The following ROBO2 variants were observed in gnomAD, a reference collection of about 807,000 sequenced individuals.
ROBO2 encodes the protein roundabout guidance receptor 2.
Under a neutral mutation model 160.8 loss-of-function variants are expected in ROBO2, and 53 were observed. That is an observed-to-expected ratio of 0.33 (90% CI 0.26 to 0.41). ROBO2 has a LOEUF of 0.41. Among genes scored for constraint, ROBO2 ranks in the 10% least tolerant of loss-of-function variants. The pLI is 1.00. For missense variants in ROBO2, 1,577 were observed against 1,722.4 expected, an observed-to-expected ratio of 0.92 and a Z score of 1.49; for synonymous variants, 664 against 611.7, an observed-to-expected ratio of 1.09 and a Z score of -1.26.
intron 2 of ROBO2, among the ~76,000 whole-genome samples, chr3:76,235,305 A>G (rs1200217956): frequency 1.3e-5 from 2 of 152,136 alleles, no homozygotes; most frequent in Non-Finnish European, 2.9e-5. Flanking sequence ...CACACAGGGA[A>G]GAAGGCCATG....
chr3:77,306,993 G>A (rs758431228), intron 2 of ROBO2, among the ~76,000 whole-genome samples: 2 of 152,102 alleles, frequency 1.3e-5, no homozygotes, highest in East Asian at 1.9e-4. Flanking sequence ...ATTTAATAAT[G>A]CATTCTTGCC....
chr3:77,535,009 C>T (rs2091999554), intron 6 of ROBO2, among the ~76,000 whole-genome samples: 2 of 152,078 alleles, frequency 1.3e-5, no homozygotes, highest in South Asian at 2.1e-4. Context: ...GGTAACAGGC[C>T]AATCACATAT....
At chr3:76,654,929 T>TATATATATA (rs5850279) in intron 2 of ROBO2, among the ~76,000 whole-genome samples, 3,974 of 141,174 alleles carry the variant, frequency 0.028, 85 homozygotes, top group East Asian at 0.054. Context: ...ATATATATAT[T>TATATATATA]TATATATATA....
rs966372790 is a variant in ROBO2, at chr3:76,570,304, T to C, written c.110-527710T>C. On this transcript the variant is annotated intron_variant, in intron 2 of 26. Transcript: ENST00000487694. ...GCCAGGTTTAGAACAATAAGGTTTA[T>C]GGTGACTTCACAAACTGTTAATGCA... Among the ~76,000 whole-genome samples, 9 of 152,322 alleles carry C rather than the reference T, an allele frequency of 5.9e-5. No individual in the cohort carries two copies. In the East Asian group the frequency reaches 1.5e-3, roughly 26 times the overall value.
chr3:76,898,629 A>G (rs1346188021), intron 2 of ROBO2, among the ~76,000 whole-genome samples: 4 of 152,132 alleles, frequency 2.6e-5, no homozygotes, highest in African/African-American at 4.8e-5. Context: ...GTTCAGACAA[A>G]AAATGGAGTC....
At chr3:76,685,728 A>G (rs1013867984) in intron 2 of ROBO2, among the ~76,000 whole-genome samples, 3 of 152,188 alleles carry the variant, frequency 2.0e-5, no homozygotes, top group African/African-American at 7.2e-5. Flanking sequence ...GAAGGTTCAT[A>G]CACAGTTGGA....
intron 1 of ROBO2, among the ~76,000 whole-genome samples, chr3:75,907,834 A>AT (rs911973765): frequency 2.2e-4 from 31 of 140,866 alleles, no homozygotes; most frequent in East Asian, 4.6e-4. Flanking sequence ...CATTTGCTTC[A>AT]TTTTTTTTAA....
chr3:77,173,713 A>G (rs114290970), intron 2 of ROBO2, among the ~76,000 whole-genome samples: 1,990 of 152,184 alleles, frequency 0.013, 65 homozygotes, highest in African/African-American at 0.045. Flanking sequence ...AAAATCAGTT[A>G]TTGTTACATA....
chr3:76,116,932 T>G (rs1422707506), intron 2 of ROBO2, among the ~76,000 whole-genome samples: 3 of 152,206 alleles, frequency 2.0e-5, no homozygotes, highest in Non-Finnish European at 1.5e-5. Context: ...CTAGTAGATT[T>G]CTTCTCTAAG....
chr3:75,999,031 T>G (rs2107551578), intron 2 of ROBO2, among the ~76,000 whole-genome samples: 1 of 152,278 alleles, frequency 6.6e-6, no homozygotes, highest in South Asian at 2.1e-4. Flanking sequence ...TCCTTGGAGG[T>G]GGTAGAGTGT....
chr3:76,223,038 C>T (rs748485755), intron 2 of ROBO2, among the ~76,000 whole-genome samples: 10 of 151,792 alleles, frequency 6.6e-5, no homozygotes, highest in East Asian at 5.9e-4. Flanking sequence ...TTCAGGCATG[C>T]GCCACCGCAC....
In ROBO2 at chr3:77,376,154, C is replaced by CTTTTTT. The variant is rs11425201; in HGVS notation, c.389-101245_389-101240dup. ...AACATTACAATAGGCATTTAACTTT[C>CTTTTTT]TTTTTTTTTTTTTTTTTTTTGACAG... On this transcript the variant is annotated intron_variant, in intron 2 of 25. Transcript: ENST00000461745. 1.3e-3 allele frequency among the ~76,000 whole-genome samples: 155 copies of CTTTTTT among 115,536 alleles called. 2 individuals are homozygous for CTTTTTT. The highest frequency in any genetic ancestry group is 3.8e-3 in the African/African-American group (111 of 29,566). The allele number at this position is 115,536 out of a possible 152,430, so 75.8% of individuals were successfully genotyped here.
intron 2 of ROBO2, among the ~76,000 whole-genome samples, chr3:76,988,109 T>C (rs1350979770): frequency 1.3e-5 from 2 of 152,222 alleles, no homozygotes; most frequent in Non-Finnish European, 2.9e-5. Flanking sequence ...ATATGAGCAT[T>C]ACACCATTGT....
chr3:76,852,843 T>C (rs1401786273), intron 2 of ROBO2, among the ~76,000 whole-genome samples: 8 of 152,144 alleles, frequency 5.3e-5, no homozygotes, highest in Non-Finnish European at 2.9e-5. Context: ...GTTATATATA[T>C]GTCGTGATAG....
chr3:77,635,124 TG>T lies in ROBO2; in HGVS notation c.3934+83del, dbSNP rs1171028701. The T allele has an allele frequency of 7.4e-6, 11 of 1,486,296 alleles. No individual in the cohort carries two copies. The African/African-American group carries it at 1.3e-4, about 17-fold the overall frequency. The allele number at this position is 1,486,296 out of a possible 1,614,324, so 92.1% of individuals were successfully genotyped here. ...TCATTTACTTAGATTAATGTAGTCA[TG>T]GTAGATTAGCCATTGCTTCATTACA... On this transcript the variant is annotated intron_variant, in intron 24 of 25. Coordinates refer to ENST00000461745, the Ensembl canonical transcript of ROBO2.
intron 2 of ROBO2, among the ~76,000 whole-genome samples, chr3:77,207,068 C>A (rs940748743): frequency 1.3e-5 from 2 of 152,160 alleles, no homozygotes; most frequent in African/African-American, 4.8e-5. Context: ...ATAGTTTAAA[C>A]AATCGTATGC....
At chr3:77,166,781 G>A (rs1006468342) in intron 2 of ROBO2, among the ~76,000 whole-genome samples, 9 of 152,148 alleles carry the variant, frequency 5.9e-5, no homozygotes, top group South Asian at 2.1e-4. Context: ...GGATGGTCTC[G>A]ATCTCCTGAC....
chr3:76,275,232 A>G (rs1035774198), intron 2 of ROBO2, among the ~76,000 whole-genome samples: 1 of 152,190 alleles, frequency 6.6e-6, no homozygotes, highest in African/African-American at 2.4e-5. Context: ...AGTTTAGCAA[A>G]TCCCCAGTTA....
chr3:77,085,062 G>T (rs1440102155), intron 1 of ROBO2, among the ~76,000 whole-genome samples: 1 of 152,012 alleles, frequency 6.6e-6, no homozygotes, highest in Non-Finnish European at 1.5e-5. Flanking sequence ...AGACACAAAT[G>T]AAGAGAAAGT....
Sources: allele counts gnomAD v4.1 joint callset (sites outside exome capture counted in the v4.1 genomes callset), GRCh38; gene constraint gnomAD v4.1.1; transcripts MANE v1.5; gene names NCBI Gene and HGNC (gene_info 2026-07-23, HGNC 2026-07-21).